Variants in RNLS observed in about 807,000 individuals in gnomAD.
RNLS encodes the protein renalase, FAD dependent amine oxidase, also known as renalase.
A neutral mutation model predicts 39.8 loss-of-function variants in RNLS; 39 were observed. The observed-to-expected ratio is 0.98, with a 90% CI of 0.76 to 1.28. The LOEUF (loss-of-function observed/expected upper bound fraction) is 1.28, where lower values mean the gene tolerates loss of function less well. Ranked by LOEUF, RNLS falls within the 50% of genes most tolerant of loss-of-function variation. The pLI is 0.00. For synonymous variants in RNLS, 147 were observed against 150.7 expected (o/e 0.98, Z 0.18); for missense variants, 410 against 413.3 (o/e 0.99, Z 0.07).
intron 4 of RNLS, among the ~76,000 whole-genome samples, chr10:88,520,879 G>A (rs1340187763): frequency 6.6e-6 from 1 of 151,914 alleles, no homozygotes; most frequent in East Asian, 1.9e-4. Flanking sequence ...CCCCTTCTAT[G>A]AATCTGTTCT....
intron 4 of RNLS, among the ~76,000 whole-genome samples, chr10:88,499,914 A>G (rs1033506294): frequency 2.6e-5 from 4 of 152,214 alleles, no homozygotes; most frequent in African/African-American, 9.6e-5. Flanking sequence ...TCAAACAGAT[A>G]AAAGAGGGTA....
At chr10:88,338,476 G>C (rs895242651) in intron 5 of RNLS, among the ~76,000 whole-genome samples, 5 of 152,186 alleles carry the variant, frequency 3.3e-5, no homozygotes, top group East Asian at 1.9e-4. Flanking sequence ...ATTCACAAGC[G>C]TCACAGATCC....
chr10:88,266,694 T>TACACACACACAC, the RNLS span, among the ~76,000 whole-genome samples: 11 of 134,210 alleles, frequency 8.2e-5, no homozygotes, highest in African/African-American at 1.4e-4. Flanking sequence ...TTCTTTTAAA[T>TACACACACACAC]ACACACACAC....
chr10:88,494,397 A>C (rs559302024), intron 4 of RNLS, among the ~76,000 whole-genome samples: 25 of 152,318 alleles, frequency 1.6e-4, no homozygotes, highest in African/African-American at 4.6e-4. Context: ...GGGGAACAAA[A>C]GAATAAGTAA....
chr10:88,449,298 C>T (rs1004006590), intron 4 of RNLS, among the ~76,000 whole-genome samples: 1 of 152,214 alleles, frequency 6.6e-6, no homozygotes, highest in Non-Finnish European at 1.5e-5. Flanking sequence ...TTCTTCTAGG[C>T]ACAATTAAAT....
chr10:88,391,806 T>TA (rs1274101505), intron 4 of RNLS, among the ~76,000 whole-genome samples: 1 of 152,146 alleles, frequency 6.6e-6, no homozygotes, highest in East Asian at 1.9e-4. Context: ...AGCTTTTATT[T>TA]AAAAAAATGG....
At chr10:88,493,901 C>G (rs1411575915) in intron 4 of RNLS, among the ~76,000 whole-genome samples, 1 of 152,106 alleles carries the variant, frequency 6.6e-6, no homozygotes, top group Non-Finnish European at 1.5e-5. Flanking sequence ...TGAACATTGG[C>G]AGACCATAAA....
chr10:88,566,455 A>G (rs1157575067), intron 4 of RNLS, among the ~76,000 whole-genome samples: 2 of 152,184 alleles, frequency 1.3e-5, no homozygotes, highest in Non-Finnish European at 2.9e-5. Flanking sequence ...ATGCAGAGAA[A>G]AGGAGAAAGA....
chr10:88,488,972 G>A (rs1402361011), intron 4 of RNLS, among the ~76,000 whole-genome samples: 1 of 152,174 alleles, frequency 6.6e-6, no homozygotes, highest in Non-Finnish European at 1.5e-5. Flanking sequence ...TTTCAGGACA[G>A]ACAAGTGATT....
At chr10:88,396,626 T>C (rs811558) in intron 4 of RNLS, among the ~76,000 whole-genome samples, 88,072 of 150,308 alleles carry the variant, frequency 0.59, 25,873 homozygotes, top group African/African-American at 0.63. Flanking sequence ...ATGGCAGACA[T>C]AAATCCTATC....
At chr10:88,498,118 T>C (rs1389514705) in intron 4 of RNLS, among the ~76,000 whole-genome samples, 1 of 151,828 alleles carries the variant, frequency 6.6e-6, no homozygotes, top group Non-Finnish European at 1.5e-5. Flanking sequence ...AAGGGAAAAA[T>C]AGTAGCCTAA....
chr10:88,269,195 C>T (rs1488614468), downstream of RNLS, among the ~76,000 whole-genome samples: 1 of 152,148 alleles, frequency 6.6e-6, no homozygotes, highest in Non-Finnish European at 1.5e-5. Context: ...CACTTTTAAA[C>T]ATATTTGACA....
chr10:88,576,271 C>T (rs1434476538), intron 3 of RNLS, among the ~76,000 whole-genome samples: 1 of 152,158 alleles, frequency 6.6e-6, no homozygotes, highest in Admixed American at 6.6e-5. Flanking sequence ...GATCATGTCT[C>T]TTATTGACTT....
chr10:88,399,081 A>G (rs12414838), intron 4 of RNLS, among the ~76,000 whole-genome samples: 5,728 of 152,110 alleles, frequency 0.038, 140 homozygotes, highest in Middle Eastern at 0.085. Flanking sequence ...CAAAACCACA[A>G]TGGCATATCA....
chr10:88,267,277 T>C, the RNLS span, among the ~76,000 whole-genome samples: 3 of 152,116 alleles, frequency 2.0e-5, no homozygotes, highest in Non-Finnish European at 2.9e-5. Context: ...ATATAAGAGA[T>C]GCTATAAAGC....
chr10:88,255,975 C>G, the RNLS span, among the ~76,000 whole-genome samples: 3 of 152,178 alleles, frequency 2.0e-5, no homozygotes, highest in Non-Finnish European at 2.9e-5. Flanking sequence ...TCATCTTCCT[C>G]TAGGATGGGT....
intron 4 of RNLS, among the ~76,000 whole-genome samples, chr10:88,384,207 C>T (rs1851724395): frequency 6.6e-6 from 1 of 152,046 alleles, no homozygotes; most frequent in African/African-American, 2.4e-5. Context: ...CTCTTATGTC[C>T]TTTATTGTCA....
intron 4 of RNLS, among the ~76,000 whole-genome samples, chr10:88,550,423 G>A (rs1048052170): frequency 3.6e-4 from 55 of 152,176 alleles, no homozygotes; most frequent in African/African-American, 1.2e-3. Flanking sequence ...CAAGTACAAC[G>A]GGGATTTTGT....
At chr10:88,310,975 T>C (rs945177138) in intron 6 of RNLS, among the ~76,000 whole-genome samples, 2 of 152,124 alleles carry the variant, frequency 1.3e-5, no homozygotes, top group African/African-American at 4.8e-5. Flanking sequence ...TCCAAAGATA[T>C]TGAATATCAA....
Sources: allele counts gnomAD v4.1 joint callset (sites outside exome capture counted in the v4.1 genomes callset), GRCh38; gene constraint gnomAD v4.1.1; transcripts MANE v1.5; gene names NCBI Gene and HGNC (gene_info 2026-07-23, HGNC 2026-07-21).